SPATA24: variants seen among roughly 807,000 people sequenced by gnomAD.
SPATA24 encodes spermatogenesis associated 24.
A neutral mutation model predicts 28.9 loss-of-function variants in SPATA24; 21 were observed. The observed-to-expected ratio is 0.73, with a 90% confidence interval of 0.52 to 1.05. The LOEUF is 1.05. Ranked by LOEUF, SPATA24 falls within the 50% of genes least tolerant of loss-of-function variation. The probability of loss-of-function intolerance (pLI) is 0.00; values close to 1 mark genes in which losing one functional copy is unlikely to be tolerated. For missense variants in SPATA24, 215 were observed against 242.9 expected, an observed-to-expected ratio of 0.88 and a Z score of 0.76; for synonymous variants, 76 against 89.9, an observed-to-expected ratio of 0.85 and a Z score of 0.88.
At chr5:139,394,301 G>A (rs1758655720), downstream of SPATA24, 2 of 1,512,680 alleles carry the variant, frequency 1.3e-6, no homozygotes, top group Non-Finnish European at 8.8e-7. Context: ...GGGGCCTCGG[G>A]GCTCAGTTTT....
chr5:139,404,050 G>T lies in SPATA24; in HGVS notation c.11C>A (p.Pro4His). 1 of 1,551,568 alleles carries T rather than the reference G, an allele frequency of 6.4e-7. No individual in the cohort carries two copies. The highest frequency in any genetic ancestry group is 1.2e-5 in the South Asian group (1 of 84,058). MATPLGWSKAGSGS... is the reference protein window; with the variant it reads MATHLGWSKAGSGS... ...TGACCCCGCCTTCGACCACCCGAGG[G>T]GCGTCGCCATCTTCCGCCCCCGCCA... is the stretch of plus-strand genomic sequence containing the variant. Residue 4 changes from proline to histidine, a missense_variant, in exon 1 of 6, where the codon CCC (proline) becomes CAC (histidine). Transcript: ENST00000450845.
At chr5:139,403,761 C>T (rs1461304776) in intron 1 of SPATA24, among the ~76,000 whole-genome samples, 183 bp downstream of exon 1, 1 of 152,200 alleles carries the variant, frequency 6.6e-6, no homozygotes, top group Non-Finnish European at 1.5e-5. Flanking sequence ...AGTTAAAATT[C>T]CCTGGTTCAG....
At chr5:139,395,182 G>A (rs1292902755), downstream of SPATA24, 2 of 1,220,214 alleles carry the variant, frequency 1.6e-6, no homozygotes, top group Non-Finnish European at 2.1e-6. Context: ...GGGTCACCGC[G>A]CCTTAAAGCG....
chr5:139,404,032 G>A lies in SPATA24; in HGVS notation c.29C>T (p.Ala10Val), dbSNP rs1234186593. 12 of 1,551,706 alleles carry A rather than the reference G, an allele frequency of 7.7e-6. No individual in the cohort carries two copies. Among genetic ancestry groups the A allele is most frequent in the African/African-American group, 2.7e-5 (2 of 73,036 alleles). ...AGCGAGACACACAGATCCTGACCCC[G>A]CCTTCGACCACCCGAGGGGCGTCGC... MATPLGWSK[A>V]GSGSVCLALD... is the part of the protein sequence containing the mutation. Residue 10 changes from alanine (A) to valine (V), a missense_variant, in exon 1 of 6, where the codon GCG becomes GTG. Physicochemically the swap from Ala to Val is moderately conservative, Grantham distance 64. Coordinates refer to ENST00000450845, the MANE Select transcript of SPATA24 (RefSeq NM_194296.2).
chr5:139,393,782 A>C, downstream of SPATA24: 1 of 1,551,336 alleles, frequency 6.4e-7, no homozygotes, highest in Non-Finnish European at 8.7e-7. Flanking sequence ...CACTCGGAGG[A>C]GGCTTCAGGG....
At chr5:139,396,063 TG>T (rs1758699122), downstream of SPATA24, 1 of 569,620 alleles carries the variant, frequency 1.8e-6, no homozygotes, top group Non-Finnish European at 2.2e-6. Context: ...TTCAAGGTCC[TG>T]CTATGACTCA....
At chr5:139,401,884 A>G in intron 3 of SPATA24, 31 bp downstream of exon 3, 1 of 1,549,658 alleles carries the variant, frequency 6.5e-7, no homozygotes, top group Non-Finnish European at 8.7e-7. Flanking sequence ...GCATCCCCCA[A>G]ACCCCACACC....
downstream of SPATA24, chr5:139,394,005 C>T (rs1019728971): frequency 6.4e-7 from 1 of 1,550,636 alleles, no homozygotes. Flanking sequence ...GCGCCTCTCG[C>T]GGGAACCGAG....
downstream of SPATA24, chr5:139,395,018 C>T: frequency 6.9e-7 from 1 of 1,457,414 alleles, no homozygotes; most frequent in Non-Finnish European, 9.0e-7. Flanking sequence ...TGGCGCCGCG[C>T]GGGGGCCGTG....
At chr5:139,393,279 A>T, downstream of SPATA24, 1 of 1,550,086 alleles carries the variant, frequency 6.5e-7, no homozygotes, top group Non-Finnish European at 8.7e-7. Context: ...CCGGGCACTT[A>T]TCCGCGTCCA....
At chr5:139,393,573 C>A (rs1290392507), downstream of SPATA24, 1 of 1,551,044 alleles carries the variant, frequency 6.4e-7, no homozygotes, top group Admixed American at 2.0e-5. Flanking sequence ...GAGCCTCCCA[C>A]GGGAAGAAGG....
intron 4 of SPATA24, chr5:139,401,393 CTAAGGA>C: frequency 1.7e-6 from 1 of 590,062 alleles, no homozygotes; most frequent in Non-Finnish European, 3.0e-6. Flanking sequence ...GACCCTGAGA[CTAAGGA>C]TCAGGTCCCA....
chr5:139,397,875 C>A lies in SPATA24; in HGVS notation c.386-732G>T, dbSNP rs1278407944. 2.6e-5 allele frequency among the ~76,000 whole-genome samples: 4 copies of A among 152,206 alleles called. No homozygotes were observed. In the East Asian group the frequency reaches 7.7e-4, roughly 29 times the overall value. ...CAACATCCTGCTTTATTTTTCTTAA[C>A]ACTTTTACCTAACATACCATATACT... On this transcript the variant is annotated intron_variant, in intron 4 of 5. Transcript: ENST00000450845.
chr5:139,393,273 G>T, downstream of SPATA24: 1 of 1,549,824 alleles, frequency 6.5e-7, no homozygotes, highest in Middle Eastern at 1.7e-4. Context: ...AGACTTCCGG[G>T]CACTTATCCG....
downstream of SPATA24, chr5:139,394,207 A>G: frequency 6.5e-7 from 1 of 1,548,696 alleles, no homozygotes; most frequent in South Asian, 1.2e-5. Context: ...AGCCTTCTCC[A>G]GGACCACGTG....
At chr5:139,396,218 A>C, downstream of SPATA24, 1 of 985,200 alleles carries the variant, frequency 1.0e-6, no homozygotes, top group Non-Finnish European at 1.2e-6. Context: ...CCTAGGGGGC[A>C]CTCGGTGATG....
chr5:139,395,263 GC>G, downstream of SPATA24: 1 of 501,118 alleles, frequency 2.0e-6, no homozygotes, highest in Non-Finnish European at 3.2e-6. Flanking sequence ...TCCCTGTCCA[GC>G]CCCCATGCCC....
chr5:139,393,810 C>T, downstream of SPATA24: 1 of 1,551,418 alleles, frequency 6.4e-7, no homozygotes, highest in Non-Finnish European at 8.7e-7. Context: ...GGCTACTCAC[C>T]CTCCGAGTAG....
At chr5:139,393,969 C>T (rs757955665), downstream of SPATA24, 368 of 1,550,704 alleles carry the variant, frequency 2.4e-4, 2 homozygotes, top group Non-Finnish European at 3.0e-4. Context: ...AAGGCGGACT[C>T]CGTGCCCTCT....
Sources: gnomAD v4.1 joint callset for allele counts (sites outside exome capture counted in the v4.1 genomes callset) on GRCh38, gnomAD v4.1.1 for gene constraint, MANE v1.5 for transcripts, NCBI Gene and HGNC (gene_info 2026-07-23, HGNC 2026-07-21) for gene names.